The following CCDC191 variants were observed in gnomAD, a reference collection of about 807,000 sequenced individuals.
CCDC191 encodes coiled-coil domain-containing protein 191.
A neutral mutation model predicts 114.0 loss-of-function variants in CCDC191; 99 were observed. That is an observed-to-expected ratio of 0.87 (90% confidence interval 0.74 to 1.03). CCDC191 has a LOEUF of 1.03. Among genes scored for constraint, CCDC191 ranks in the 50% least tolerant of loss-of-function variants. CCDC191 has a pLI of 0.00. For missense variants in CCDC191, 973 were observed against 1,087.0 expected (o/e 0.90, Z 1.47); for synonymous variants, 351 against 376.0 (o/e 0.93, Z 0.77).
intron 4 of CCDC191, among the ~76,000 whole-genome samples, chr3:114,040,308 G>A (rs913139208): frequency 5.9e-5 from 9 of 152,128 alleles, no homozygotes; most frequent in Non-Finnish European, 4.4e-5. Context: ...ACCTAATGAT[G>A]CATTTTGCAG....
intron 7 of CCDC191, among the ~76,000 whole-genome samples, chr3:114,027,995 T>C (rs985982678): frequency 6.6e-6 from 1 of 152,206 alleles, no homozygotes; most frequent in African/African-American, 2.4e-5. Context: ...GTCCTATCTA[T>C]AACCAAGTCT....
intron 1 of CCDC191, among the ~76,000 whole-genome samples, chr3:114,054,562 G>A (rs1257985851): frequency 1.3e-5 from 2 of 152,128 alleles, no homozygotes; most frequent in African/African-American, 4.8e-5. Context: ...GCGTGAACCC[G>A]AGAGGCGGAG....
intron 4 of CCDC191, among the ~76,000 whole-genome samples, chr3:114,041,990 T>A (rs536812291): frequency 6.6e-6 from 1 of 152,024 alleles, no homozygotes; most frequent in East Asian, 1.9e-4. Context: ...GGTTTTTCTC[T>A]CCTCTGGAAA....
chr3:113,984,089 G>C (rs1299557207), intron 13 of CCDC191: 1 of 152,164 alleles, frequency 6.6e-6, no homozygotes, highest in Non-Finnish European at 1.5e-5. Context: ...GCTTATCCCT[G>C]AAGAATTCTT....
chr3:114,000,888 A>G lies in CCDC191; in HGVS notation c.2163+707T>C, dbSNP rs1035733847. On this transcript the variant is annotated intron_variant, in intron 13 of 16. Coordinates refer to ENST00000295878, the MANE Select transcript of CCDC191 (RefSeq NM_020817.2). ...AGGCTAGTCTCAAACTCCTGGGCTCAAGCAATCCTCCCACCTCAGCCTCCC... is the reference window on the plus strand; with the variant it reads ...AGGCTAGTCTCAAACTCCTGGGCTCGAGCAATCCTCCCACCTCAGCCTCCC... 2.0e-5 allele frequency among the ~76,000 whole-genome samples: 3 copies of G among 152,100 alleles called. No individual in the cohort carries two copies. In the East Asian group the frequency reaches 5.8e-4, roughly 29 times the overall value.
At position 114,046,687 on chromosome 3, in the gene CCDC191, T is replaced by G; in HGVS notation, c.175A>C (p.Thr59Pro). 6.2e-7 allele frequency: 1 copy of G among 1,612,288 alleles called. No homozygotes were observed. Among genetic ancestry groups the G allele is most frequent in the South Asian group, 1.1e-5 (1 of 91,054 alleles). ...CTTCTAGGTAAATCTGAATTTCTAGTAAAAAATGCATTTGACACTGCAAAC... is the reference window on the plus strand; with the variant it reads ...CTTCTAGGTAAATCTGAATTTCTAGGAAAAAATGCATTTGACACTGCAAAC... ...SEFAVSNAFF[T>P]RNSDLPRSPW... Residue 59 changes from threonine to proline, a missense_variant, in exon 3 of 17, where the codon ACT (threonine) becomes CCT (proline). Thr to Pro is a conservative substitution (Grantham distance 38, BLOSUM62 -1). Coordinates refer to ENST00000295878, the MANE Select transcript of CCDC191 (RefSeq NM_020817.2).
intron 13 of CCDC191, among the ~76,000 whole-genome samples, chr3:113,987,684 C>A (rs1002171015): frequency 3.9e-5 from 6 of 152,132 alleles, no homozygotes; most frequent in African/African-American, 1.4e-4. Flanking sequence ...CAGGTACATG[C>A]TACGACACTC....
intron 4 of CCDC191, among the ~76,000 whole-genome samples, chr3:114,037,885 C>T (rs73856224): frequency 0.033 from 5,082 of 152,122 alleles, 311 homozygotes; most frequent in African/African-American, 0.12. Flanking sequence ...ATTATTTTTT[C>T]CCAAATATTT....
chr3:113,996,257 T>C (rs1252592377), intron 13 of CCDC191, among the ~76,000 whole-genome samples: 1 of 152,226 alleles, frequency 6.6e-6, no homozygotes, highest in East Asian at 1.9e-4. Context: ...TACATTTAAA[T>C]CTTTAATCCA....
chr3:113,966,467 C>CT (rs1217974434), intron 16 of CCDC191, among the ~76,000 whole-genome samples: 6 of 152,152 alleles, frequency 3.9e-5, no homozygotes, highest in Admixed American at 3.3e-4. Flanking sequence ...GCACAGAGGA[C>CT]TACCCAGTCT....
Position 114,046,578 on chromosome 3 carries a change from T to C in CCDC191, c.271+13A>G. On this transcript the variant is annotated intron_variant, in intron 3 of 16. Transcript: ENST00000295878. The stretch of plus-strand genomic sequence containing the variant: ...GAATTGTTAACATCGCAGCAGAAAA[T>C]GCATTCTCTTACCTTCTGCATAGAT... 2.8e-6 allele frequency: 4 copies of C among 1,452,060 alleles called. No individual in the cohort carries two copies. Among genetic ancestry groups the C allele is most frequent in the South Asian group, 1.1e-5 (1 of 87,446 alleles). 89.9% of individuals were successfully genotyped at this position (1,452,060 alleles called of 1,614,324 possible).
At chr3:113,967,471 T>G (rs932887309) in intron 16 of CCDC191, among the ~76,000 whole-genome samples, 1 of 152,100 alleles carries the variant, frequency 6.6e-6, no homozygotes, top group East Asian at 1.9e-4. Flanking sequence ...GGTTTGGCAC[T>G]TATTTATAGC....
intron 7 of CCDC191, among the ~76,000 whole-genome samples, chr3:114,024,235 C>T (rs2076285936): frequency 6.6e-6 from 1 of 152,148 alleles, no homozygotes; most frequent in East Asian, 1.9e-4. Flanking sequence ...AATAGGAATA[C>T]TTTTACACTG....
chr3:113,999,434 T>C (rs958116442), intron 13 of CCDC191, among the ~76,000 whole-genome samples: 1 of 152,190 alleles, frequency 6.6e-6, no homozygotes, highest in Admixed American at 6.5e-5. Context: ...ACTACTACTC[T>C]ACATGAAGGT....
intron 9 of CCDC191, among the ~76,000 whole-genome samples, chr3:114,006,595 TATATATATATATATATATATATAA>T (rs1208514548): frequency 7.4e-6 from 1 of 134,380 alleles, no homozygotes; most frequent in African/African-American, 3.0e-5. Context: ...CAGATATATA[TATATATATATATATATATATATAA>T]ATATATATAT....
chr3:113,965,556 G>T (rs1940041893), intron 16 of CCDC191, among the ~76,000 whole-genome samples, 197 bp from the exon 17 acceptor site: 1 of 152,042 alleles, frequency 6.6e-6, no homozygotes, highest in South Asian at 2.1e-4. Context: ...GAGAGTGACT[G>T]ATTGATTGAT....
Position 114,010,953 on chromosome 3 carries a change from T to A in CCDC191, c.1232A>T (p.His411Leu), listed in dbSNP as rs777686653. 6.2e-7 allele frequency: 1 copy of A among 1,614,096 alleles called. No homozygotes were observed. The highest frequency in any genetic ancestry group is 1.1e-5 in the South Asian group (1 of 91,088). Residue 411 changes from histidine to leucine, a missense_variant, in exon 9 of 17, where the codon CAT becomes CTT. By Grantham distance (99) the His-to-Leu change is moderately conservative. Transcript: ENST00000295878. ...CTTCAGGAGCTCGGCGCCATGCCAATGCTGCCATTCTGTAAAGCAGTGTCG... is the reference window on the plus strand; with the variant it reads ...CTTCAGGAGCTCGGCGCCATGCCAAAGCTGCCATTCTGTAAAGCAGTGTCG... ...VLRHCFTEWQHWHGAELLKRE... is the reference protein window; with the variant it reads ...VLRHCFTEWQLWHGAELLKRE...
intron 1 of CCDC191, among the ~76,000 whole-genome samples, chr3:114,055,875 A>C (rs2076767891): frequency 6.6e-6 from 1 of 152,212 alleles, no homozygotes; most frequent in African/African-American, 2.4e-5. Flanking sequence ...ATGTGAATCA[A>C]GTATTAATGT....
At chr3:114,017,673 T>G (rs1026090705) in intron 8 of CCDC191, among the ~76,000 whole-genome samples, 1 of 151,996 alleles carries the variant, frequency 6.6e-6, no homozygotes, top group African/African-American at 2.4e-5. Flanking sequence ...AACCCCTAAG[T>G]AAACAAATGG....
Sources: gnomAD v4.1 joint callset for allele counts (sites outside exome capture counted in the v4.1 genomes callset) on GRCh38, gnomAD v4.1.1 for gene constraint, MANE v1.5 for transcripts, NCBI Gene and HGNC (gene_info 2026-07-23, HGNC 2026-07-21) for gene names.